The following VIRMA variants were observed in gnomAD, a reference collection of about 807,000 sequenced individuals.
The protein encoded by VIRMA is protein virilizer homolog.
Under a neutral mutation model 182.4 loss-of-function variants are expected in VIRMA, and 65 were observed. That is an observed-to-expected ratio of 0.36 (90% CI 0.29 to 0.44). The LOEUF (loss-of-function observed/expected upper bound fraction) is 0.44. VIRMA is among the 20% of genes least tolerant of loss of function. The pLI is 1.00. For synonymous variants in VIRMA, 709 were observed against 743.1 expected (o/e 0.95, Z 0.75); for missense variants, 1,752 against 2,158.1 (o/e 0.81, Z 3.73).
At chr8:94,522,677 T>C (rs1433308793) in intron 8 of VIRMA, among the ~76,000 whole-genome samples, 1 of 152,220 alleles carries the variant, frequency 6.6e-6, no homozygotes, top group Non-Finnish European at 1.5e-5. Context: ...TATAATATAA[T>C]GGCTATTTCA....
At chr8:94,547,024 A>G (rs1464946570) in intron 1 of VIRMA, 1 of 454,992 alleles carries the variant, frequency 2.2e-6, no homozygotes, top group East Asian at 6.9e-5. Context: ...CTCCTTTTAC[A>G]AGTAAACTTT....
Position 94,492,811 on chromosome 8 carries a change from A to G in VIRMA, c.4649T>C (p.Val1550Ala), listed in dbSNP as rs1162272724. 1.9e-6 allele frequency: 3 copies of G among 1,611,400 alleles called. No individual in the cohort carries two copies. The Admixed American group carries it at 5.0e-5, about 27-fold the overall frequency. The change falls in exon 21 of 24, where the codon GTT becomes GCT. Residue 1550 changes from valine to alanine, a missense_variant. Physicochemically the swap from Val to Ala is moderately conservative, Grantham distance 64 (BLOSUM62 0). This residue lies in a region of VIRMA where 777 missense variants were observed against 920.6 expected (regional missense o/e 0.84). Transcript: ENST00000297591. Reference protein sequence around the residue: ...EIDTDLDLVKVDLIELSEKCC... With the variant: ...EIDTDLDLVKADLIELSEKCC... Reference sequence around the variant, plus strand: ...TTTTTCAGAGAGTTCAATTAAGTCAACCTTTACCTGCAGTCATAATAATGA... The same window carrying G: ...TTTTTCAGAGAGTTCAATTAAGTCAGCCTTTACCTGCAGTCATAATAATGA...
At chr8:94,542,329 G>A (rs773184994) in intron 2 of VIRMA, among the ~76,000 whole-genome samples, 1 of 152,158 alleles carries the variant, frequency 6.6e-6, no homozygotes, top group Non-Finnish European at 1.5e-5. Context: ...ACAAGCCCAT[G>A]GAGAGGATCT....
chr8:94,493,326 A>C (rs748711984), intron 20 of VIRMA, among the ~76,000 whole-genome samples: 23 of 152,216 alleles, frequency 1.5e-4, no homozygotes, highest in Non-Finnish European at 3.1e-4. Flanking sequence ...CAAATGTAAG[A>C]TACCTAAAAT....
intron 9 of VIRMA, among the ~76,000 whole-genome samples, chr8:94,518,777 G>A (rs989659776): frequency 2.6e-5 from 4 of 152,086 alleles, no homozygotes; most frequent in African/African-American, 9.7e-5. Context: ...ACTGAAGGAA[G>A]GTGCTAAAGA....
At chr8:94,491,989 T>C in intron 21 of VIRMA, 80 bp from the exon 22 acceptor site, 3 of 1,133,566 alleles carry the variant, frequency 2.6e-6, no homozygotes, top group South Asian at 1.9e-5. Context: ...CCCAAAATTA[T>C]ATTTCAGTTT....
Position 94,531,027 on chromosome 8 carries a change from TC to T in VIRMA, c.542del (p.Gly181AspfsTer60), listed in dbSNP as rs766924923. The T allele has an allele frequency of 6.2e-7, 1 of 1,603,162 alleles. No homozygotes were observed. Among genetic ancestry groups the T allele is most frequent in the Non-Finnish European group, 8.5e-7 (1 of 1,175,078 alleles). On this transcript the variant is annotated frameshift_variant, in exon 6 of 24. Transcript: ENST00000297591. LOFTEE classifies it high-confidence loss of function. ...GAGGGGGTCCTGGAGGAGTTCTTGG[TC>T]CCCTTGGCTGTGGTCTTGGAGGGCT... ...NGSPPRPQPR[G>X]PRTPPGPPPP...
chr8:94,506,126 C>T (rs945759594), intron 16 of VIRMA, among the ~76,000 whole-genome samples: 12 of 152,088 alleles, frequency 7.9e-5, no homozygotes, highest in Non-Finnish European at 7.3e-5. Flanking sequence ...AGGAACTGTA[C>T]ACAGAATCTG....
chr8:94,509,564 A>T (rs930880087), intron 15 of VIRMA, 124 bp downstream of exon 15: 3 of 972,424 alleles, frequency 3.1e-6, no homozygotes, highest in Non-Finnish European at 4.5e-6. Context: ...AACAGCAGGA[A>T]TAATAAAACA....
intron 10 of VIRMA, among the ~76,000 whole-genome samples, chr8:94,516,436 C>T (rs1197090983): frequency 6.6e-6 from 1 of 152,112 alleles, no homozygotes; most frequent in Non-Finnish European, 1.5e-5. Context: ...AGAAGCTATA[C>T]CATAACTCCT....
chr8:94,536,923 G>A (rs552906047), intron 4 of VIRMA, among the ~76,000 whole-genome samples, 180 bp downstream of exon 4: 7 of 152,120 alleles, frequency 4.6e-5, no homozygotes, highest in South Asian at 2.1e-4. Flanking sequence ...AGCTTGCAGC[G>A]AGCCAAGATT....
chr8:94,505,630 G>C (rs546194640), intron 16 of VIRMA, among the ~76,000 whole-genome samples: 1 of 152,164 alleles, frequency 6.6e-6, no homozygotes, highest in African/African-American at 2.4e-5. Flanking sequence ...CTACAGGTGT[G>C]TGCCATCATG....
At chr8:94,530,732 T>G (rs1234619903) in intron 6 of VIRMA, among the ~76,000 whole-genome samples, 1 of 152,050 alleles carries the variant, frequency 6.6e-6, no homozygotes, top group East Asian at 1.9e-4. Flanking sequence ...GGCAAAATAG[T>G]GAGACCCCAT....
chr8:94,511,362 A>T lies in VIRMA; in HGVS notation c.3213T>A (p.Phe1071Leu). The change falls in exon 13 of 24, where the codon TTT becomes TTA. Residue 1071 changes from phenylalanine (F) to leucine (L), a missense_variant. By Grantham distance (22) the Phe-to-Leu change is conservative. Transcript: ENST00000297591. The part of the protein sequence containing the change: ...QNDIIDILLT[F>L]TQGVNEKLTI... Reference sequence around the variant, plus strand: ...TGAGTTTTTCATTAACTCCTTGTGTAAAAGTCAGTAAAATATCAATGATAT... The same window carrying T: ...TGAGTTTTTCATTAACTCCTTGTGTTAAAGTCAGTAAAATATCAATGATAT... 6.2e-7 allele frequency: 1 copy of T among 1,613,914 alleles called. No individual in the cohort carries two copies. Among genetic ancestry groups the T allele is most frequent in the Non-Finnish European group, 8.5e-7 (1 of 1,179,938 alleles).
intron 11 of VIRMA, among the ~76,000 whole-genome samples, chr8:94,512,673 A>G (rs952599361): frequency 6.6e-6 from 1 of 152,178 alleles, no homozygotes; most frequent in Non-Finnish European, 1.5e-5. Context: ...GCTACTCAGG[A>G]GGCTGAGGTG....
chr8:94,521,091 C>T (rs568212687), intron 8 of VIRMA, among the ~76,000 whole-genome samples: 1 of 151,616 alleles, frequency 6.6e-6, no homozygotes, highest in African/African-American at 2.4e-5. Flanking sequence ...GCAGAATGTG[C>T]AGGCTTGTTA....
chr8:94,499,047 C>T (rs1813881960), intron 17 of VIRMA: 1 of 157,764 alleles, frequency 6.3e-6, no homozygotes, highest in East Asian at 1.8e-4. Flanking sequence ...TGCTACTGCA[C>T]TCCAGTCTGG....
intron 22 of VIRMA, among the ~76,000 whole-genome samples, chr8:94,490,667 T>C (rs531477502): frequency 3.4e-4 from 51 of 151,918 alleles, no homozygotes; most frequent in African/African-American, 1.2e-3. Flanking sequence ...GCCAACATGG[T>C]GAGACCCCGT....
chr8:94,501,887 G>A (rs1412009014), intron 16 of VIRMA, among the ~76,000 whole-genome samples: 1 of 152,242 alleles, frequency 6.6e-6, no homozygotes, highest in Non-Finnish European at 1.5e-5. Flanking sequence ...GCACTATTCA[G>A]TAGAATGTAT....
Sources: gnomAD v4.1 joint callset for allele counts (sites outside exome capture counted in the v4.1 genomes callset) on GRCh38, gnomAD v4.1.1 for gene constraint, gnomAD v4.1.1 regional missense constraint, MANE v1.5 for transcripts, NCBI Gene and HGNC (gene_info 2026-07-23, HGNC 2026-07-21) for gene names.